Variants in SETD1B observed in about 807,000 individuals in gnomAD.
SETD1B encodes SET domain containing 1B, histone lysine methyltransferase.
A neutral mutation model predicts 148.0 loss-of-function variants in SETD1B; 7 were observed. The observed-to-expected ratio is 0.05, with a 90% confidence interval of 0.03 to 0.09. The LOEUF is 0.09. SETD1B is among the 10% of genes least tolerant of loss of function. The pLI is 1.00. For missense variants in SETD1B, 2,155 were observed against 2,729.9 expected (o/e 0.79, Z 4.69); for synonymous variants, 1,361 against 1,186.5 (o/e 1.15, Z -3.02).
chr12:121,796,808 G>A, the SETD1B span, among the ~76,000 whole-genome samples: 1 of 152,156 alleles, frequency 6.6e-6, no homozygotes, highest in Non-Finnish European at 1.5e-5. Context: ...TTGGGAGGCC[G>A]AGGTGGGCGG....
chr12:121,814,266 C>A lies in SETD1B; in HGVS notation c.2051C>A (p.Pro684Gln). The change falls in exon 7 of 17, where the codon CCA becomes CAA. Residue 684 changes from proline to glutamine, a missense_variant. Around this residue, in one of 11 missense-constraint regions of SETD1B, gnomAD observed 295 missense variants for 303.8 expected, o/e 0.97. Coordinates refer to ENST00000604567, the MANE Select transcript of SETD1B (RefSeq NM_001353345.2). ...VLAPTLPLPP[P>Q]PGFPPLPPPP... is the part of the protein sequence containing the mutation. The stretch of plus-strand genomic sequence containing the variant: ...GCCCCAACCCTGCCGCTGCCCCCGC[C>A]ACCTGGCTTCCCCCCGCTGCCCCCC... 6.8e-7 allele frequency: 1 copy of A among 1,470,286 alleles called. No individual in the cohort carries two copies. The highest frequency in any genetic ancestry group is 9.0e-7 in the Non-Finnish European group (1 of 1,106,120). The allele number at this position is 1,470,286 out of a possible 1,614,324, so 91.1% of individuals were successfully genotyped here. A position where few individuals can be genotyped will look rare whatever the true frequency, so the allele number is the denominator to read the frequency against.
chr12:121,800,235 C>CG (rs1243941261), upstream of SETD1B: 8 of 152,136 alleles, frequency 5.3e-5, no homozygotes, highest in Non-Finnish European at 1.0e-4. Context: ...CGGGGGATCC[C>CG]GGGGCCCCCC....
chr12:121,814,987 G>T, intron 7 of SETD1B, 57 bp downstream of exon 7: 1 of 1,426,988 alleles, frequency 7.0e-7, no homozygotes, highest in Non-Finnish European at 9.5e-7. Context: ...CAGGTCCCCA[G>T]CCGGGCACCT....
At chr12:121,815,540 C>T (rs998788109) in intron 7 of SETD1B, among the ~76,000 whole-genome samples, 7 of 152,080 alleles carry the variant, frequency 4.6e-5, no homozygotes, top group African/African-American at 1.2e-4. Flanking sequence ...GACAGGGTCT[C>T]GCTGTATCGT....
chr12:121,823,334 C>CCCGGGGG lies in SETD1B; in HGVS notation c.4756_4757insCGGGGGC (p.Leu1586ProfsTer24). The CCCGGGGG allele has an allele frequency of 5.6e-6, 8 of 1,435,372 alleles. No individual in the cohort carries two copies. The highest frequency in any genetic ancestry group is 6.7e-6 in the Non-Finnish European group (7 of 1,052,178). The allele number at this position is 1,435,372 out of a possible 1,614,324, so 88.9% of individuals were successfully genotyped here. On this transcript the variant is annotated frameshift_variant, in exon 12 of 17. Transcript: ENST00000604567. LOFTEE classifies it high-confidence loss of function. ...CGGGGATCCCAGCCCCTCCACCACC[C>CCCGGGGG]CTTCCCCCCCAGCCACCCCCACCCC... is the stretch of plus-strand genomic sequence containing the variant.
At position 121,804,581 on chromosome 12, in the gene SETD1B, GGAGCCAGC is replaced by G; in HGVS notation, c.-14-139_-14-132del. ...CTCTCGCTCCATTCTTGTTTTGGGG[GGAGCCAGC>G]GAGACAGCTCCTTTCGGGGCGCGCT... On this transcript the variant is annotated intron_variant, in intron 1 of 16. Coordinates refer to ENST00000604567, the MANE Select transcript of SETD1B (RefSeq NM_001353345.2). The surrounding 1 kb of genome is among the most constrained non-coding windows in gnomAD (Gnocchi z 4.6). 2 of 650,726 alleles carry G rather than the reference GGAGCCAGC, an allele frequency of 3.1e-6. No homozygotes were observed. The highest frequency in any genetic ancestry group is 5.2e-6 in the Non-Finnish European group (2 of 386,078). 40.3% of individuals were successfully genotyped at this position (650,726 alleles called of 1,614,324 possible). A position where few individuals can be genotyped will look rare whatever the true frequency, so the allele number is the denominator to read the frequency against.
intron 11 of SETD1B, among the ~76,000 whole-genome samples, chr12:121,820,184 T>G (rs1367547226): frequency 6.6e-6 from 1 of 152,224 alleles, no homozygotes; most frequent in African/African-American, 2.4e-5. Context: ...TCCCATGAGA[T>G]GCTCCCCAAA....
At chr12:121,798,893 C>A in the SETD1B span, among the ~76,000 whole-genome samples, 900 of 152,320 alleles carry the variant, frequency 5.9e-3, 5 homozygotes, top group African/African-American at 0.02. Context: ...AGTCGGCTAG[C>A]GTTAGAATGA....
chr12:121,803,077 C>G (rs1482046464), upstream of SETD1B: 1 of 151,968 alleles, frequency 6.6e-6, no homozygotes, highest in African/African-American at 2.4e-5. The surrounding 1 kb of genome is among the most constrained non-coding windows in gnomAD (Gnocchi z 4.7). Flanking sequence ...CCGAAAAGAG[C>G]CCCAATATGA....
chr12:121,822,820 C>T lies in SETD1B; in HGVS notation c.4241C>T (p.Ser1414Phe). ...PGSPFSYPAP[S>F]PSLSSGGLPR... ...AGCCCCTTCTCCTACCCAGCCCCGT[C>T]CCCTAGCTTGAGCAGTGGGGGCCTC... Residue 1414 changes from serine to phenylalanine, a missense_variant, in exon 12 of 17, where the codon TCC becomes TTC. Ser to Phe is a radical substitution (Grantham distance 155, BLOSUM62 -2). Coordinates refer to ENST00000604567, the MANE Select transcript of SETD1B (RefSeq NM_001353345.2). 1 of 1,501,278 alleles carries T rather than the reference C, an allele frequency of 6.7e-7. No homozygotes were observed. Among genetic ancestry groups the T allele is most frequent in the East Asian group, 2.5e-5 (1 of 40,406 alleles). The allele number at this position is 1,501,278 out of a possible 1,614,324, so 93.0% of individuals were successfully genotyped here. A position where few individuals can be genotyped will look rare whatever the true frequency, so the allele number is the denominator to read the frequency against.
intron 6 of SETD1B, among the ~76,000 whole-genome samples, chr12:121,812,999 A>C (rs1178994266): frequency 3.4e-5 from 5 of 148,094 alleles, no homozygotes; most frequent in South Asian, 2.1e-4. Context: ...AGACCTGTCC[A>C]CTCGGCTCCC....
chr12:121,823,207 C>T lies in SETD1B; in HGVS notation c.4628C>T (p.Ala1543Val). The change falls in exon 12 of 17, where the codon GCC (alanine) becomes GTC (valine). Residue 1543 changes from alanine to valine, a missense_variant. Ala to Val is a moderately conservative substitution (Grantham distance 64). Around this residue, in one of 11 missense-constraint regions of SETD1B, gnomAD observed 862 missense variants for 873.8 expected, o/e 0.99. Transcript: ENST00000604567. ...DGPLVRPPAG[A>V]ALGRELLLLP... The stretch of plus-strand genomic sequence containing the variant: ...CCCTTGGTCCGACCACCAGCAGGGG[C>T]CGCCCTTGGAAGGGAACTCCTGCTC... 1 of 1,549,064 alleles carries T rather than the reference C, an allele frequency of 6.5e-7. No individual in the cohort carries two copies. Among genetic ancestry groups the T allele is most frequent in the Non-Finnish European group, 8.7e-7 (1 of 1,146,838 alleles).
Position 121,825,196 on chromosome 12 carries a change from C to T in SETD1B, c.5171-4C>T, listed in dbSNP as rs1389030822. On this transcript the variant is annotated splice_polypyrimidine_tract_variant and splice_region_variant and intron_variant, in intron 12 of 16. Coordinates refer to ENST00000604567, the MANE Select transcript of SETD1B (RefSeq NM_001353345.2). ...TGTCCATGTGGCCCTTGACCCACAC[C>T]CACCCACCAGCCTCTCTTCAGCTAA... 3 of 1,551,204 alleles carry T rather than the reference C, an allele frequency of 1.9e-6. No individual in the cohort carries two copies. Among genetic ancestry groups the T allele is most frequent in the East Asian group, 4.9e-5 (2 of 40,900 alleles).
chr12:121,823,703 C>T lies in SETD1B; in HGVS notation c.5124C>T (p.Asp1708=). 1.3e-6 allele frequency: 2 copies of T among 1,551,572 alleles called. No individual in the cohort carries two copies. The highest frequency in any genetic ancestry group is 1.7e-6 in the Non-Finnish European group (2 of 1,146,972). The change falls in exon 12 of 17, where the codon GAC becomes GAT. Residue 1708 remains aspartate (D), a synonymous_variant. Coordinates refer to ENST00000604567, the MANE Select transcript of SETD1B (RefSeq NM_001353345.2). ...CVTYERLLQQ[D]NGMDWLNDTL... ...CCTACGAGCGACTGCTACAGCAGGA[C>T]AATGGCATGGACTGGCTTAACGACA...
rs767994722 is a variant in SETD1B at position 121,810,231 on chromosome 12, G to T, written c.1286G>T (p.Arg429Leu). The change falls in exon 6 of 17, where the codon CGG (arginine) becomes CTG (leucine). Residue 429 changes from arginine (R) to leucine (L), a missense_variant. Physicochemically the swap from Arg to Leu is moderately radical, Grantham distance 102. Transcript: ENST00000604567. This position sits in a 1 kb window ranked among gnomAD's most constrained non-coding sequence, Gnocchi z 7.6. ...GGGGCCCGCGACAGTGGGGAGTTCC[G>T]GAGGGCACCGGCGCCCCCACCCCTG... The part of the protein sequence containing the change: ...AFGARDSGEF[R>L]RAPAPPPLPP... 4 of 1,548,086 alleles carry T rather than the reference G, an allele frequency of 2.6e-6. No individual in the cohort carries two copies. In the South Asian group the frequency reaches 4.8e-5, roughly 18 times the overall value.
In SETD1B at chr12:121,830,803, G is replaced by C. The variant is rs939772667; in HGVS notation, c.*564G>C. ...GAAGGATGGAGGCCCCCACGGCCTT[G>C]ACCTCAGAACACTACGCCCTGAAAG... is the stretch of plus-strand genomic sequence containing the variant. On this transcript the variant is annotated 3_prime_UTR_variant, in exon 17 of 17. Transcript: ENST00000604567. This position sits in a 1 kb window ranked among gnomAD's most constrained non-coding sequence, Gnocchi z 5.7. 5.2e-5 allele frequency: 8 copies of C among 152,760 alleles called. No homozygotes were observed. The highest frequency in any genetic ancestry group is 1.9e-4 in the African/African-American group (8 of 41,422). 9.5% of individuals were successfully genotyped at this position (152,760 alleles called of 1,614,324 possible). A position where few individuals can be genotyped will look rare whatever the true frequency, so the allele number is the denominator to read the frequency against.
At chr12:121,829,633 G>A (rs565868376) in intron 16 of SETD1B, among the ~76,000 whole-genome samples, 1 of 152,332 alleles carries the variant, frequency 6.6e-6, no homozygotes, top group East Asian at 1.9e-4. Flanking sequence ...GATCTCTATG[G>A]CAACTACTGA....
Position 121,805,052 on chromosome 12 carries a change from A to G in SETD1B, c.175-66A>G. On this transcript the variant is annotated intron_variant, in intron 2 of 16. Coordinates refer to ENST00000604567, the MANE Select transcript of SETD1B (RefSeq NM_001353345.2). The surrounding 1 kb of genome is among the most constrained non-coding windows in gnomAD (Gnocchi z 4.2). ...CCTGGAGTTTGACAAGTGCCTCGAGAAAGGGGTCTGCCCATGGGGAGGGGG... is the reference window on the plus strand; with the variant it reads ...CCTGGAGTTTGACAAGTGCCTCGAGGAAGGGGTCTGCCCATGGGGAGGGGG... The G allele has an allele frequency of 6.6e-7, 1 of 1,505,836 alleles. No homozygotes were observed. The highest frequency in any genetic ancestry group is 9.0e-7 in the Non-Finnish European group (1 of 1,109,716). 93.3% of individuals were successfully genotyped at this position (1,505,836 alleles called of 1,614,324 possible). A position where few individuals can be genotyped will look rare whatever the true frequency, so the allele number is the denominator to read the frequency against.
upstream of SETD1B, chr12:121,799,183 G>A (rs977859845): frequency 6.6e-6 from 1 of 152,266 alleles, no homozygotes; most frequent in African/African-American, 2.4e-5. Context: ...TGTTTTCGGA[G>A]ATGGAGAAAT....
Sources: gnomAD v4.1 joint callset for allele counts (sites outside exome capture counted in the v4.1 genomes callset) on GRCh38, gnomAD v4.1.1 for gene constraint, gnomAD v4.1.1 regional missense constraint, Gnocchi (gnomAD v3.1) non-coding constraint, MANE v1.5 for transcripts, NCBI Gene and HGNC (gene_info 2026-07-23, HGNC 2026-07-21) for gene names.